Variants in CHD2 observed in about 807,000 individuals in gnomAD.
The protein encoded by CHD2 is ATP-dependent chromatin remodeler CHD2.
Under a neutral mutation model 243.9 loss-of-function variants are expected in CHD2, and 28 were observed. The ratio of observed to expected loss-of-function variants is 0.11; its 90% confidence interval spans 0.09 to 0.16. The LOEUF (loss-of-function observed/expected upper bound fraction) is 0.16. Ranked by LOEUF, CHD2 falls within the 10% of genes least tolerant of loss-of-function variation. The pLI is 1.00. For missense variants in CHD2, 1,386 were observed against 2,209.8 expected (o/e 0.63, Z 7.47); for synonymous variants, 775 against 779.0 (o/e 0.99, Z 0.09).
intron 33 of CHD2, among the ~76,000 whole-genome samples, chr15:93,002,619 C>T (rs565242024): frequency 5.3e-5 from 8 of 152,184 alleles, no homozygotes; most frequent in South Asian, 2.1e-4. Context: ...CATGTAAATA[C>T]GAAATACGTT....
intron 16 of CHD2, among the ~76,000 whole-genome samples, chr15:92,960,925 C>T (rs1003799822): frequency 5.3e-5 from 8 of 151,776 alleles, no homozygotes; most frequent in African/African-American, 1.7e-4. Flanking sequence ...GCCATGTCAG[C>T]CAGGTTGGTC....
chr15:92,992,371 G>A (rs1364031480), intron 27 of CHD2, among the ~76,000 whole-genome samples: 1 of 152,170 alleles, frequency 6.6e-6, no homozygotes, highest in Non-Finnish European at 1.5e-5. Context: ...CCTTTTGACA[G>A]CCTGTTTTTT....
chr15:92,965,333 G>C (rs1264948358), intron 16 of CHD2: 3 of 152,122 alleles, frequency 2.0e-5, no homozygotes. Flanking sequence ...GAGGTGGGCA[G>C]ATCACGAGGT....
rs1299639399 is a variant in CHD2, at chr15:92,949,083, A to G, written c.1502+7A>G. 3.1e-6 allele frequency: 5 copies of G among 1,608,574 alleles called. No homozygotes were observed. Among genetic ancestry groups the G allele is most frequent in the Non-Finnish European group, 4.2e-6 (5 of 1,178,772 alleles). On this transcript the variant is annotated splice_region_variant and intron_variant, in intron 13 of 38. Transcript: ENST00000394196. ...TAGCTCATTCCTGGTGCAAGTAGGT[A>G]GAAAAATATGAGTGCAATTTTCCTT...
intron 2 of CHD2, among the ~76,000 whole-genome samples, chr15:92,909,061 G>A (rs1400483190): frequency 6.9e-6 from 1 of 144,864 alleles, no homozygotes; most frequent in African/African-American, 2.5e-5. Flanking sequence ...GGAGGTTGCA[G>A]TTAGATGAAC....
intron 13 of CHD2, among the ~76,000 whole-genome samples, chr15:92,950,796 T>A (rs12437674): frequency 0.47 from 71,578 of 151,564 alleles, 17,901 homozygotes; most frequent in East Asian, 0.85. Context: ...TTTCCCCTCA[T>A]TGCTGAAAGG....
intron 2 of CHD2, among the ~76,000 whole-genome samples, chr15:92,910,896 CTACTGCACACTTA>C (rs1259898138): frequency 1.8e-4 from 28 of 152,254 alleles, no homozygotes; most frequent in Non-Finnish European, 3.1e-4. Flanking sequence ...TAGGTATAGC[CTACTGCACACTTA>C]TGCTGTAGCC....
intron 2 of CHD2, among the ~76,000 whole-genome samples, chr15:92,916,945 C>A (rs1208692121): frequency 6.6e-6 from 1 of 152,144 alleles, no homozygotes; most frequent in Admixed American, 6.5e-5. Context: ...TGCAAAATAA[C>A]CAGTTATAAT....
chr15:92,940,982 A>AAT (rs1222659748), intron 7 of CHD2, among the ~76,000 whole-genome samples: 70 of 125,786 alleles, frequency 5.6e-4, no homozygotes, highest in South Asian at 7.6e-4. Context: ...TATAAATATA[A>AAT]ATATATATAT....
chr15:92,977,133 TATCTC>T (rs1268517708), intron 20 of CHD2, among the ~76,000 whole-genome samples: 7 of 152,180 alleles, frequency 4.6e-5, no homozygotes, highest in Admixed American at 3.9e-4. Flanking sequence ...TTGTTTTAGA[TATCTC>T]ATCTTAAATT....
chr15:93,001,814 G>A (rs1396607024), intron 32 of CHD2, among the ~76,000 whole-genome samples: 1 of 152,158 alleles, frequency 6.6e-6, no homozygotes, highest in Non-Finnish European at 1.5e-5. Context: ...ACTGTGCCTG[G>A]CCAATACATA....
At chr15:92,926,987 G>GTATTATTCAGCTGTATGTT (rs11283408) in intron 3 of CHD2, among the ~76,000 whole-genome samples, 1 of 151,358 alleles carries the variant, frequency 6.6e-6, no homozygotes, top group Non-Finnish European at 1.5e-5. Flanking sequence ...TTATTCAGCT[G>GTATTATTCAGCTGTATGTT]TATATTTTAA....
rs547211867 is a variant in CHD2 at position 92,902,637 on chromosome 15, A to AT, written c.62+1340dup. 524 of 152,922 alleles carry AT rather than the reference A, an allele frequency of 3.4e-3. 3 individuals are homozygous for AT. Among genetic ancestry groups the AT allele is most frequent in the Non-Finnish European group, 5.9e-3 (404 of 68,424 alleles). 9.5% of individuals were successfully genotyped at this position (152,922 alleles called of 1,614,324 possible). A position where few individuals can be genotyped will look rare whatever the true frequency, so the allele number is the denominator to read the frequency against. On this transcript the variant is annotated intron_variant, in intron 2 of 38. Coordinates refer to ENST00000394196, the MANE Select transcript of CHD2 (RefSeq NM_001271.4). ...TCACCCAGTTTGTAGTGCTGTCTTAATTGAATTGCCCATGTAAATTACTAG... is the reference window on the plus strand; with the variant it reads ...TCACCCAGTTTGTAGTGCTGTCTTAATTTGAATTGCCCATGTAAATTACTAG...
chr15:93,017,582 G>C (rs2054480633), intron 37 of CHD2, among the ~76,000 whole-genome samples: 1 of 146,972 alleles, frequency 6.8e-6, no homozygotes, highest in Admixed American at 7.1e-5. Context: ...CCTGACCTCA[G>C]GTGATCCATT....
At position 92,960,705 on chromosome 15, in the gene CHD2, G is replaced by GTTTTTTTTT. The variant is rs71467745; in HGVS notation, c.2000+4075_2000+4083dup. Reference sequence around the variant, plus strand: ...TTAAAGATTTTTGCATCTGTTTGGTGTTTTTTTTTTTTTTTTTTTTTTTTT... The same window carrying GTTTTTTTTT: ...TTAAAGATTTTTGCATCTGTTTGGTGTTTTTTTTTTTTTTTTTTTTTTTTTTTTTTTTTT... On this transcript the variant is annotated intron_variant, in intron 16 of 38. Coordinates refer to ENST00000394196, the MANE Select transcript of CHD2 (RefSeq NM_001271.4). Among the ~76,000 whole-genome samples, 12 of 51,468 alleles carry GTTTTTTTTT rather than the reference G, an allele frequency of 2.3e-4. 2 individuals carry two copies. Among genetic ancestry groups the GTTTTTTTTT allele is most frequent in the Non-Finnish European group, 3.7e-4 (10 of 27,226 alleles). 33.8% of individuals were successfully genotyped at this position (51,468 alleles called of 152,430 possible).
intron 26 of CHD2, among the ~76,000 whole-genome samples, chr15:92,989,093 G>A (rs924995446): frequency 1.4e-5 from 2 of 145,478 alleles, no homozygotes. Context: ...GTGCAATGGC[G>A]CGATTTTGGC....
rs1313242582 is a variant in CHD2, at chr15:93,025,380, A to G, written c.*675A>G. ...AACTGCTTCATCTCTGCCAACACTAATTTTTCCCACACTGTCTTTGTACAT... is the reference window on the plus strand; with the variant it reads ...AACTGCTTCATCTCTGCCAACACTAGTTTTTCCCACACTGTCTTTGTACAT... On this transcript the variant is annotated 3_prime_UTR_variant, in exon 39 of 39. Coordinates refer to ENST00000394196, the MANE Select transcript of CHD2 (RefSeq NM_001271.4). 6.6e-6 allele frequency: 1 copy of G among 152,628 alleles called. No individual in the cohort carries two copies. The highest frequency in any genetic ancestry group is 1.5e-5 in the Non-Finnish European group (1 of 68,102). 9.5% of individuals were successfully genotyped at this position (152,628 alleles called of 1,614,324 possible).
intron 32 of CHD2, 144 bp from the exon 33 acceptor site, chr15:93,002,033 A>C: frequency 9.5e-7 from 1 of 1,049,816 alleles, no homozygotes; most frequent in Non-Finnish European, 1.3e-6. Context: ...GACTTCTCTG[A>C]GTCCCTTGAG....
intron 13 of CHD2, among the ~76,000 whole-genome samples, chr15:92,949,482 C>T (rs530643310): frequency 2.0e-4 from 31 of 152,192 alleles, no homozygotes; most frequent in African/African-American, 7.0e-4. Flanking sequence ...AAATTAATTT[C>T]CTACAGTAGT....
Sources: allele counts gnomAD v4.1 joint callset (sites outside exome capture counted in the v4.1 genomes callset), GRCh38; gene constraint gnomAD v4.1.1; transcripts MANE v1.5; gene names NCBI Gene and HGNC (gene_info 2026-07-23, HGNC 2026-07-21).